The following GLIS3 variants were observed in gnomAD, a reference collection of about 807,000 sequenced individuals.
GLIS3 encodes the protein zinc finger protein GLIS3.
Under a neutral mutation model 78.6 loss-of-function variants are expected in GLIS3, and 53 were observed. The ratio of observed to expected loss-of-function variants is 0.67; its 90% CI spans 0.54 to 0.85. The LOEUF (loss-of-function observed/expected upper bound fraction) is 0.85. Ranked by LOEUF, GLIS3 falls within the 40% of genes least tolerant of loss-of-function variation. The pLI is 0.00. For synonymous variants in GLIS3, 684 were observed against 509.9 expected (o/e 1.34, Z -4.60); for missense variants, 1,703 against 1,231.1 (o/e 1.38, Z -5.74).
intron 7 of GLIS3, among the ~76,000 whole-genome samples, chr9:3,891,087 AG>A (rs56294151): frequency 0.11 from 15,876 of 145,976 alleles, 895 homozygotes; most frequent in Non-Finnish European, 0.15. Context: ...AAAAAGAAGA[AG>A]AAGAAAGTAG....
rs751463616 is a variant in GLIS3, at chr9:3,936,983, C to A, written c.1872+45G>T. 5 of 1,611,146 alleles carry A rather than the reference C, an allele frequency of 3.1e-6. No homozygotes were observed. In the Admixed American group the frequency reaches 8.3e-5, roughly 27 times the overall value. On this transcript the variant is annotated intron_variant, in intron 5 of 10. Coordinates refer to ENST00000381971, the MANE Select transcript of GLIS3 (RefSeq NM_001042413.2). ...CCACTATCAAGCAGGCACTTCCTCA[C>A]ACCAGGCGCTGGGTTGGAAACTGGA...
intron 8 of GLIS3, among the ~76,000 whole-genome samples, chr9:3,878,028 T>C (rs1218247848): frequency 1.3e-5 from 2 of 152,196 alleles, no homozygotes; most frequent in African/African-American, 2.4e-5. Flanking sequence ...CATGTATGCC[T>C]GGATGCTGTC....
intron 2 of GLIS3, among the ~76,000 whole-genome samples, chr9:4,245,057 G>C (rs928052181): frequency 1.3e-5 from 2 of 152,178 alleles, no homozygotes; most frequent in Admixed American, 6.5e-5. Context: ...TACATCAAAA[G>C]ACTGGTAAAT....
At chr9:4,411,953 C>T in the GLIS3 span, among the ~76,000 whole-genome samples, 1 of 152,156 alleles carries the variant, frequency 6.6e-6, no homozygotes, top group Non-Finnish European at 1.5e-5. Flanking sequence ...ATAATCTGGC[C>T]TAATACTAAA....
intron 2 of GLIS3, among the ~76,000 whole-genome samples, chr9:4,133,393 G>T (rs982518875): frequency 6.6e-6 from 1 of 152,218 alleles, no homozygotes. Flanking sequence ...GGGCATTCAA[G>T]AATGGGTTAT....
the GLIS3 span, among the ~76,000 whole-genome samples, chr9:4,444,502 C>A: frequency 3.9e-5 from 6 of 151,998 alleles, no homozygotes; most frequent in East Asian, 1.9e-4. Flanking sequence ...AATCATTAAG[C>A]CAGACTTCTG....
chr9:4,014,048 T>C (rs1010015934), intron 4 of GLIS3, among the ~76,000 whole-genome samples: 1 of 152,140 alleles, frequency 6.6e-6, no homozygotes, highest in Non-Finnish European at 1.5e-5. Context: ...GCAGACAAAT[T>C]GCAGAAGAGG....
At chr9:4,372,345 G>A in the GLIS3 span, among the ~76,000 whole-genome samples, 229 of 152,086 alleles carry the variant, frequency 1.5e-3, 1 homozygote, top group African/African-American at 5.3e-3. Flanking sequence ...GTATTTGATG[G>A]TGCTTTGACA....
intron 8 of GLIS3, among the ~76,000 whole-genome samples, chr9:3,858,263 G>A (rs1291069850): frequency 6.6e-6 from 1 of 151,934 alleles, no homozygotes; most frequent in Middle Eastern, 3.2e-3. Context: ...TGTGTGAATG[G>A]GCAAGTCAGC....
chr9:3,916,635 A>T (rs928601096), intron 6 of GLIS3, among the ~76,000 whole-genome samples: 4 of 152,208 alleles, frequency 2.6e-5, no homozygotes, highest in African/African-American at 7.2e-5. Context: ...TCATTTTGAG[A>T]ACAGGAAGTA....
intron 2 of GLIS3, among the ~76,000 whole-genome samples, chr9:4,338,405 C>G (rs1344701056): frequency 6.6e-6 from 1 of 151,390 alleles, no homozygotes; most frequent in Non-Finnish European, 1.5e-5. Context: ...CACACACACA[C>G]ACACAATTTT....
At chr9:4,317,703 A>T (rs1020164584) in intron 2 of GLIS3, among the ~76,000 whole-genome samples, 3 of 152,246 alleles carry the variant, frequency 2.0e-5, no homozygotes, top group Non-Finnish European at 4.4e-5. Context: ...AAATTAAGAG[A>T]AAGAAAATGA....
At chr9:3,949,747 TGGA>T (rs1245553658) in intron 4 of GLIS3, among the ~76,000 whole-genome samples, 12 of 152,198 alleles carry the variant, frequency 7.9e-5, no homozygotes, top group Non-Finnish European at 1.8e-4. Flanking sequence ...AATAAATCAA[TGGA>T]ATATTTGCCT....
chr9:4,404,112 G>A, the GLIS3 span, among the ~76,000 whole-genome samples: 2 of 152,140 alleles, frequency 1.3e-5, no homozygotes, highest in Non-Finnish European at 2.9e-5. Flanking sequence ...GACAAAAACT[G>A]TAAGAAGAGA....
the GLIS3 span, among the ~76,000 whole-genome samples, chr9:4,354,057 C>CT: frequency 1.3e-5 from 2 of 149,300 alleles, no homozygotes; most frequent in South Asian, 4.2e-4. Flanking sequence ...AGGATGGTCT[C>CT]TATCTCCTGA....
the GLIS3 span, among the ~76,000 whole-genome samples, chr9:4,467,604 G>A: frequency 1.3e-5 from 2 of 152,138 alleles, no homozygotes; most frequent in African/African-American, 2.4e-5. Flanking sequence ...AAACAGAAAG[G>A]ACATCCACAC....
At chr9:4,381,772 C>A in the GLIS3 span, among the ~76,000 whole-genome samples, 6 of 152,206 alleles carry the variant, frequency 3.9e-5, no homozygotes, top group Non-Finnish European at 7.3e-5. Context: ...TTTCCAGACT[C>A]CTTTACTACC....
At chr9:3,892,856 T>G (rs573160055) in intron 7 of GLIS3, among the ~76,000 whole-genome samples, 190 of 152,334 alleles carry the variant, frequency 1.2e-3, no homozygotes, top group African/African-American at 4.3e-3. Flanking sequence ...TTCTCTGTTT[T>G]GCCACCTTCT....
At chr9:4,162,055 C>T (rs895901213) in intron 2 of GLIS3, among the ~76,000 whole-genome samples, 1 of 152,044 alleles carries the variant, frequency 6.6e-6, no homozygotes, top group African/African-American at 2.4e-5. Context: ...GGAGAGGATC[C>T]TTCCTTGCCC....
Sources: gnomAD v4.1 joint callset for allele counts (sites outside exome capture counted in the v4.1 genomes callset) on GRCh38, gnomAD v4.1.1 for gene constraint, MANE v1.5 for transcripts, NCBI Gene and HGNC (gene_info 2026-07-23, HGNC 2026-07-21) for gene names.